IFI44L: variants seen among roughly 807,000 people sequenced by gnomAD.
The protein encoded by IFI44L is interferon induced protein 44 like, also known as interferon-induced protein 44-like.
In IFI44L, 40 loss-of-function variants were observed where a neutral mutation model predicts 39.3. That is an observed-to-expected ratio of 1.02 (90% CI 0.79 to 1.33). IFI44L has a LOEUF of 1.33. Among genes scored for constraint, IFI44L ranks in the 40% most tolerant of loss-of-function variants. The pLI, the probability that IFI44L is intolerant of heterozygous loss-of-function variation, is 0.00. For synonymous variants in IFI44L, 198 were observed against 182.3 expected, an observed-to-expected ratio of 1.09 and a Z score of -0.69; for missense variants, 623 against 549.0, an observed-to-expected ratio of 1.13 and a Z score of -1.35.
At chr1:78,636,737 T>C (rs1652963503) in intron 5 of IFI44L, 1 of 293,270 alleles carries the variant, frequency 3.4e-6, no homozygotes, top group Non-Finnish European at 6.3e-6. Flanking sequence ...TTCTGGATAC[T>C]AGGATTTGAA....
rs780100161 is a variant in IFI44L, at chr1:78,628,088, A to G, written c.173A>G (p.Tyr58Cys). The G allele has an allele frequency of 8.7e-6, 14 of 1,613,124 alleles. 1 individual carries two copies. The highest frequency in any genetic ancestry group is 1.7e-4 in the Middle Eastern group (1 of 6,054). ...ACTATAACAATGGCTTACATTGATT[A>G]CAATATGATTGTAGCCTTTATGCTT... ...GCTITMAYID[Y>C]NMIVAFMLGN... Residue 58 changes from tyrosine to cysteine, a missense_variant, in exon 2 of 9, where the codon TAC becomes TGC. Physicochemically the swap from Tyr to Cys is radical, Grantham distance 194 (BLOSUM62 -2). Coordinates refer to ENST00000370751, the MANE Select transcript of IFI44L (RefSeq NM_006820.4).
chr1:78,632,135 T>A (rs897020995), intron 4 of IFI44L, among the ~76,000 whole-genome samples: 3 of 152,192 alleles, frequency 2.0e-5, no homozygotes, highest in South Asian at 4.1e-4. Flanking sequence ...GAACTTTTTT[T>A]AAATGTGACA....
chr1:78,639,621 T>C lies in IFI44L; in HGVS notation c.1049-1400T>C, dbSNP rs149863179. Among the ~76,000 whole-genome samples the C allele has an allele frequency of 7.4e-3, 1,129 of 152,212 alleles. 15 individuals carry two copies. Among genetic ancestry groups the C allele is most frequent in the African/African-American group, 0.021 (881 of 41,540 alleles). ...CAAGGTCTCTAGCCAAATTGCATTA[T>C]CTGCACTTTTCAATCTTTATGTTTG... On this transcript the variant is annotated intron_variant, in intron 6 of 8. Coordinates refer to ENST00000370751, the MANE Select transcript of IFI44L (RefSeq NM_006820.4).
chr1:78,633,681 AG>A (rs1391790379), intron 4 of IFI44L, among the ~76,000 whole-genome samples: 1 of 152,232 alleles, frequency 6.6e-6, no homozygotes, highest in African/African-American at 2.4e-5. Context: ...AAAAGCAATC[AG>A]GGTAACATGA....
In IFI44L at chr1:78,646,067, T is replaced by A. The variant is rs1043677904; in HGVS notation, c.*4258T>A. On this transcript the variant is annotated 3_prime_UTR_variant, in exon 9 of 9. Coordinates refer to ENST00000370751, the MANE Select transcript of IFI44L (RefSeq NM_006820.4). The stretch of plus-strand genomic sequence containing the variant: ...ACGTGTAAATATATTTTTTCATTTT[T>A]AAAAATTGATTTCTTTTGCACATTC... 4 of 152,204 alleles carry A rather than the reference T, an allele frequency of 2.6e-5. No homozygotes were observed. Among genetic ancestry groups the A allele is most frequent in the African/African-American group, 9.7e-5 (4 of 41,446 alleles). The allele number at this position is 152,204 out of a possible 1,614,324, so 9.4% of individuals were successfully genotyped here.
At chr1:78,636,407 C>T (rs2100381256) in intron 5 of IFI44L, among the ~76,000 whole-genome samples, 1 of 152,176 alleles carries the variant, frequency 6.6e-6, no homozygotes, top group African/African-American at 2.4e-5. Context: ...AGCAGGGAGC[C>T]AGTCAATTCA....
intron 4 of IFI44L, among the ~76,000 whole-genome samples, chr1:78,633,004 C>T (rs1317310140): frequency 6.6e-6 from 1 of 152,190 alleles, no homozygotes; most frequent in Non-Finnish European, 1.5e-5. Flanking sequence ...AATCATTCCT[C>T]CACTGAAACA....
intron 6 of IFI44L, among the ~76,000 whole-genome samples, chr1:78,638,955 C>T (rs1031928357): frequency 6.6e-6 from 1 of 152,052 alleles, no homozygotes; most frequent in Non-Finnish European, 1.5e-5. Flanking sequence ...TTTTAGCAAA[C>T]ATATTCTGAT....
At chr1:78,640,888 T>G in intron 6 of IFI44L, 133 bp from the exon 7 acceptor site, 6 of 569,462 alleles carry the variant, frequency 1.1e-5, no homozygotes, top group Non-Finnish European at 1.9e-5. Context: ...GGCTCCATAT[T>G]GAGATGTATT....
chr1:78,635,419 C>A lies in IFI44L; in HGVS notation c.806C>A (p.Ala269Glu), dbSNP rs1356420325. Residue 269 changes from alanine (A) to glutamate (E), a missense_variant, in exon 5 of 9, where the codon GCA becomes GAA. Coordinates refer to ENST00000370751, the MANE Select transcript of IFI44L (RefSeq NM_006820.4). Reference protein sequence around the residue: ...MLCDTMGLDGAEGAGLCMDDI... With the variant: ...MLCDTMGLDGEEGAGLCMDDI... ...TGTGACACTATGGGGCTAGATGGGG[C>A]AGAAGGAGCAGGACTGTGCATGGAT... is the stretch of plus-strand genomic sequence containing the variant. 3 of 1,613,338 alleles carry A rather than the reference C, an allele frequency of 1.9e-6. No homozygotes were observed. Among genetic ancestry groups the A allele is most frequent in the Non-Finnish European group, 2.5e-6 (3 of 1,179,560 alleles).
At position 78,641,416 on chromosome 1, in the gene IFI44L, T is replaced by C. The variant is rs7513319; in HGVS notation, c.1150-19T>C. On this transcript the variant is annotated intron_variant, in intron 7 of 8. Coordinates refer to ENST00000370751, the MANE Select transcript of IFI44L (RefSeq NM_006820.4). ...ATATTAAATACAGGACTTACACTTT[T>C]TAAATATACTTTCCACAGGTCATGA... 5,456 of 1,605,026 alleles carry C rather than the reference T, an allele frequency of 3.4e-3. 166 individuals carry two copies. In the African/African-American group the frequency reaches 0.066, roughly 19 times the overall value.
Position 78,641,065 on chromosome 1 carries a change from G to A in IFI44L, c.1093G>A (p.Glu365Lys). Reference protein sequence around the residue: ...ALLTKVDDCSEVLQDNFLNMS... With the variant: ...ALLTKVDDCSKVLQDNFLNMS... ...GCTTACTAAAGTGGATGATTGCAGTGAGGTTCTTCAAGACAACTTTTTAAA... is the reference window on the plus strand; with the variant it reads ...GCTTACTAAAGTGGATGATTGCAGTAAGGTTCTTCAAGACAACTTTTTAAA... Residue 365 changes from glutamate to lysine, a missense_variant, in exon 7 of 9, where the codon GAG (glutamate) becomes AAG (lysine). Glu to Lys is a moderately conservative substitution (Grantham distance 56). Transcript: ENST00000370751. The A allele has an allele frequency of 1.2e-6, 2 of 1,612,960 alleles. No individual in the cohort carries two copies. The highest frequency in any genetic ancestry group is 2.2e-5 in the East Asian group (1 of 44,810).
chr1:78,644,263 A>G lies in IFI44L; in HGVS notation c.*2454A>G, dbSNP rs1647023647. Reference sequence around the variant, plus strand: ...GGGGTAACACAGAGTGCCCTTATGAAGGAGTTGGAGATCCTGCAAGGAAGA... The same window carrying G: ...GGGGTAACACAGAGTGCCCTTATGAGGGAGTTGGAGATCCTGCAAGGAAGA... On this transcript the variant is annotated 3_prime_UTR_variant, in exon 9 of 9. Coordinates refer to ENST00000370751, the MANE Select transcript of IFI44L (RefSeq NM_006820.4). The G allele has an allele frequency of 6.6e-6, 1 of 152,216 alleles. No homozygotes were observed. The highest frequency in any genetic ancestry group is 1.5e-5 in the Non-Finnish European group (1 of 68,048). The allele number at this position is 152,216 out of a possible 1,614,324, so 9.4% of individuals were successfully genotyped here.
In IFI44L at chr1:78,641,078, A is replaced by C; in HGVS notation, c.1106A>C (p.Asp369Ala). ...KVDDCSEVLQ[D>A]NFLNMSRSMT... ...GATGATTGCAGTGAGGTTCTTCAAG[A>C]CAACTTTTTAAACATGAGTAGATCT... The change falls in exon 7 of 9, where the codon GAC becomes GCC. Residue 369 changes from aspartate (D) to alanine (A), a missense_variant. Asp to Ala is a moderately radical substitution (Grantham distance 126). Transcript: ENST00000370751. The C allele has an allele frequency of 6.2e-7, 1 of 1,613,002 alleles. No homozygotes were observed. Among genetic ancestry groups the C allele is most frequent in the Non-Finnish European group, 8.5e-7 (1 of 1,179,222 alleles).
chr1:78,623,519 A>C (rs575344624), intron 1 of IFI44L, among the ~76,000 whole-genome samples: 1 of 150,846 alleles, frequency 6.6e-6, no homozygotes, highest in African/African-American at 2.4e-5. Flanking sequence ...AGAGAAACTG[A>C]ACCAACATAA....
chr1:78,636,900 C>A, intron 5 of IFI44L, 132 bp from the exon 6 acceptor site: 1 of 640,102 alleles, frequency 1.6e-6, no homozygotes, highest in South Asian at 2.0e-5. Flanking sequence ...GGAGGTGCTA[C>A]TGTTTGGGGA....
rs375747663 is a variant in IFI44L, at chr1:78,641,782, T to A, written c.1332T>A (p.Ile444=). The A allele has an allele frequency of 7.1e-5, 114 of 1,613,622 alleles. No individual in the cohort carries two copies. Among genetic ancestry groups the A allele is most frequent in the Admixed American group, 2.7e-4 (16 of 59,988 alleles). ...EDLPLEETGA[I]ERALQPCI is the part of the protein sequence containing the mutation. ...TGTTTGTTTCATTTTCAGGTGCAAT[T>A]GAGAGAGCGTTACAGCCCTGCATTT... The change falls in exon 9 of 9, where the codon ATT becomes ATA. Residue 444 remains isoleucine, a synonymous_variant. Coordinates refer to ENST00000370751, the MANE Select transcript of IFI44L (RefSeq NM_006820.4).
At chr1:78,633,597 AG>A (rs371198723) in intron 4 of IFI44L, among the ~76,000 whole-genome samples, 6 of 152,164 alleles carry the variant, frequency 3.9e-5, no homozygotes, top group African/African-American at 1.2e-4. Context: ...TTCCAGACAA[AG>A]GCAATCTGCA....
intron 4 of IFI44L, 130 bp from the exon 5 acceptor site, chr1:78,635,207 A>G: frequency 1.6e-6 from 1 of 641,212 alleles, no homozygotes; most frequent in East Asian, 2.8e-5. Flanking sequence ...AAGAGTCTAA[A>G]GGGGTCCTGA....
Sources: gnomAD v4.1 joint callset for allele counts (sites outside exome capture counted in the v4.1 genomes callset) on GRCh38, gnomAD v4.1.1 for gene constraint, MANE v1.5 for transcripts, NCBI Gene and HGNC (gene_info 2026-07-23, HGNC 2026-07-21) for gene names.